Variants in PRKCE observed in about 807,000 individuals in gnomAD.
The protein encoded by PRKCE is protein kinase C epsilon.
Under a neutral mutation model 85.4 loss-of-function variants are expected in PRKCE, and 16 were observed. The ratio of observed to expected loss-of-function variants is 0.19; its 90% CI spans 0.13 to 0.28. The LOEUF (loss-of-function observed/expected upper bound fraction) is 0.28, where lower values mean the gene tolerates loss of function less well. PRKCE is among the 10% of genes least tolerant of loss of function. The pLI is 1.00. For missense variants in PRKCE, 573 were observed against 975.2 expected (o/e 0.59, Z 5.49); for synonymous variants, 388 against 371.5 (o/e 1.04, Z -0.51).
chr2:45,718,771 A>T (rs776474118), intron 1 of PRKCE, among the ~76,000 whole-genome samples: 4 of 152,062 alleles, frequency 2.6e-5, no homozygotes, highest in Non-Finnish European at 5.9e-5. Context: ...AGAAAACCCA[A>T]CTCTATGCTG....
At chr2:45,857,697 G>A (rs1469419346) in intron 2 of PRKCE, among the ~76,000 whole-genome samples, 3 of 152,082 alleles carry the variant, frequency 2.0e-5, no homozygotes, top group East Asian at 1.9e-4. Context: ...ACAGGCATGA[G>A]CCACCACACC....
At chr2:45,903,881 G>GTTTTTTTT (rs34124689) in intron 2 of PRKCE, among the ~76,000 whole-genome samples, 20 of 117,190 alleles carry the variant, frequency 1.7e-4, no homozygotes, top group Non-Finnish European at 2.7e-4. Context: ...TAGCCTGGCA[G>GTTTTTTTT]TTTTTTTTTG....
At chr2:45,752,386 G>C (rs1258003513) in intron 1 of PRKCE, among the ~76,000 whole-genome samples, 2 of 152,180 alleles carry the variant, frequency 1.3e-5, no homozygotes, top group Non-Finnish European at 2.9e-5. Context: ...CCTCAACCCT[G>C]TGCTGAACTG....
chr2:45,948,435 T>A (rs906788234), intron 2 of PRKCE, among the ~76,000 whole-genome samples: 1 of 150,996 alleles, frequency 6.6e-6, no homozygotes, highest in Admixed American at 6.6e-5. Context: ...AGGGCAGGAG[T>A]TCAAGAGCAG....
chr2:46,158,215 G>A (rs749431154), intron 13 of PRKCE, among the ~76,000 whole-genome samples: 2 of 152,218 alleles, frequency 1.3e-5, no homozygotes, highest in Admixed American at 6.5e-5. Context: ...ATCAACAGAG[G>A]AGGGAATGTG....
chr2:45,941,437 A>G (rs1699871951), intron 2 of PRKCE, among the ~76,000 whole-genome samples: 1 of 152,138 alleles, frequency 6.6e-6, no homozygotes, highest in Non-Finnish European at 1.5e-5. Context: ...GAAACTTATT[A>G]CTCTTTGGAA....
chr2:46,002,522 C>G (rs1423664097), intron 7 of PRKCE, among the ~76,000 whole-genome samples: 1 of 152,204 alleles, frequency 6.6e-6, no homozygotes. Flanking sequence ...TGTTGCTTCT[C>G]TTGTATAGGA....
chr2:45,837,832 T>G (rs1236586821), intron 1 of PRKCE, among the ~76,000 whole-genome samples: 1 of 152,158 alleles, frequency 6.6e-6, no homozygotes, highest in Non-Finnish European at 1.5e-5. Context: ...ACGGCACCAC[T>G]TCACTCCAGC....
At chr2:46,126,611 A>G (rs1045217689) in intron 11 of PRKCE, among the ~76,000 whole-genome samples, 3 of 152,244 alleles carry the variant, frequency 2.0e-5, no homozygotes, top group Non-Finnish European at 4.4e-5. Context: ...AATTAAATAT[A>G]TATTTCCCAT....
At chr2:45,814,027 A>C (rs1660059483) in intron 1 of PRKCE, among the ~76,000 whole-genome samples, 2 of 152,110 alleles carry the variant, frequency 1.3e-5, no homozygotes, top group Non-Finnish European at 2.9e-5. Flanking sequence ...ACATCAGAGA[A>C]GCCCCCACCT....
At chr2:45,661,540 T>G (rs1449823609) in intron 1 of PRKCE, among the ~76,000 whole-genome samples, 6 of 133,418 alleles carry the variant, frequency 4.5e-5, no homozygotes, top group African/African-American at 1.7e-4. Context: ...GTTTTTTTTT[T>G]TTTTTTTAGA....
In PRKCE at chr2:45,786,966, T is replaced by G. The variant is rs1686647047; in HGVS notation, c.349-56034T>G. 6.6e-6 allele frequency among the ~76,000 whole-genome samples: 1 copy of G among 152,252 alleles called. No individual in the cohort carries two copies. Among genetic ancestry groups the G allele is most frequent in the Non-Finnish European group, 1.5e-5 (1 of 68,038 alleles). ...TTCTCAAACTCGCCTGGTGAGTCAC[T>G]TGAGGCTTTGGTTCAAGTCGGGATT... On this transcript the variant is annotated intron_variant, in intron 1 of 14. Transcript: ENST00000306156. This position sits in a 1 kb window ranked among gnomAD's most constrained non-coding sequence, Gnocchi z 5.3.
At chr2:45,836,812 T>A (rs1434401561) in intron 1 of PRKCE, among the ~76,000 whole-genome samples, 1 of 152,244 alleles carries the variant, frequency 6.6e-6, no homozygotes, top group East Asian at 1.9e-4. Context: ...ACAAGGGCAG[T>A]GCAAGCCTTC....
At chr2:45,837,208 G>A (rs1268963244) in intron 1 of PRKCE, among the ~76,000 whole-genome samples, 1 of 152,244 alleles carries the variant, frequency 6.6e-6, no homozygotes, top group African/African-American at 2.4e-5. Context: ...CTGGGCAGGT[G>A]TGGTGTCGAG....
intron 2 of PRKCE, among the ~76,000 whole-genome samples, chr2:45,878,373 A>C (rs901669972): frequency 4.0e-5 from 6 of 149,804 alleles, no homozygotes; most frequent in Non-Finnish European, 5.9e-5. Context: ...TCAAGTTACA[A>C]ATCTACACAA....
chr2:45,805,273 C>G (rs1364083061), intron 1 of PRKCE, among the ~76,000 whole-genome samples: 3 of 152,118 alleles, frequency 2.0e-5, no homozygotes, highest in African/African-American at 7.2e-5. Flanking sequence ...GACTCAAACC[C>G]AGTTGGACAG....
intron 13 of PRKCE, among the ~76,000 whole-genome samples, chr2:46,152,631 C>T (rs960100259): frequency 6.6e-6 from 1 of 151,984 alleles, no homozygotes; most frequent in Admixed American, 6.5e-5. Context: ...TCACTGCAAC[C>T]TCTGCCTCTC....
intron 10 of PRKCE, among the ~76,000 whole-genome samples, chr2:46,061,859 C>CTTTTCTTTTCTTTTTCTTTT (rs869162406): frequency 9.3e-6 from 1 of 107,746 alleles, no homozygotes; most frequent in Non-Finnish European, 1.8e-5. Context: ...TTTTCTTTTT[C>CTTTTCTTTTCTTTTTCTTTT]TTTTTTTTTT....
intron 1 of PRKCE, among the ~76,000 whole-genome samples, chr2:45,662,326 A>G (rs1675707246): frequency 6.6e-6 from 1 of 152,242 alleles, no homozygotes; most frequent in Non-Finnish European, 1.5e-5. Flanking sequence ...TTAATCAAAG[A>G]ATAACATAAA....
Sources: gnomAD v4.1 joint callset for allele counts (sites outside exome capture counted in the v4.1 genomes callset) on GRCh38, gnomAD v4.1.1 for gene constraint, Gnocchi (gnomAD v3.1) non-coding constraint, MANE v1.5 for transcripts, NCBI Gene and HGNC (gene_info 2026-07-23, HGNC 2026-07-21) for gene names.